The following SMG6 variants were observed in gnomAD, a reference collection of about 807,000 sequenced individuals.
SMG6 encodes the protein SMG6 nonsense mediated mRNA decay factor.
A neutral mutation model predicts 142.2 loss-of-function variants in SMG6; 66 were observed. The ratio of observed to expected loss-of-function variants is 0.46; its 90% CI spans 0.38 to 0.57. SMG6 has a LOEUF of 0.57. SMG6 is among the 20% of genes least tolerant of loss of function. SMG6 has a pLI of 0.00. For missense variants in SMG6, 1,793 were observed against 1,832.0 expected (o/e 0.98, Z 0.39); for synonymous variants, 779 against 702.4 (o/e 1.11, Z -1.72).
At chr17:2,204,537 T>C (rs1335666609) in intron 10 of SMG6, among the ~76,000 whole-genome samples, 1 of 152,132 alleles carries the variant, frequency 6.6e-6, no homozygotes, top group African/African-American at 2.4e-5. Flanking sequence ...GTCAGGAGAA[T>C]AATAAGCTAG....
At chr17:2,273,317 A>C (rs937386426) in intron 8 of SMG6, among the ~76,000 whole-genome samples, 7 of 152,230 alleles carry the variant, frequency 4.6e-5, no homozygotes, top group South Asian at 4.1e-4. Context: ...GGAGTTCACG[A>C]CCTGCCTGGA....
At chr17:2,139,731 A>C (rs1307443769) in intron 13 of SMG6, among the ~76,000 whole-genome samples, 7 of 132,434 alleles carry the variant, frequency 5.3e-5, no homozygotes, top group Non-Finnish European at 9.6e-5. Flanking sequence ...TTTAACAAAC[A>C]AATTTTTTTT....
At position 2,285,628 on chromosome 17, in the gene SMG6, C is replaced by T. The variant is rs148502583; in HGVS notation, c.2338-1893G>A. On this transcript the variant is annotated intron_variant, in intron 6 of 18. Transcript: ENST00000263073. ...CAGAGGGAGGAGGCTCACTTGAAGC[C>T]AGGAGTTCAGGACCAGCCTTGGCAA... Among the ~76,000 whole-genome samples the T allele has an allele frequency of 6.0e-4, 91 of 152,092 alleles. 1 individual carries two copies. Among genetic ancestry groups the T allele is most frequent in the African/African-American group, 1.9e-3 (79 of 41,518 alleles).
chr17:2,290,408 C>A (rs1367006810), intron 6 of SMG6, among the ~76,000 whole-genome samples: 1 of 152,220 alleles, frequency 6.6e-6, no homozygotes, highest in Non-Finnish European at 1.5e-5. Context: ...TGTATATCCA[C>A]CTGCATCAAT....
chr17:2,303,341 C>G (rs1352842542), intron 1 of SMG6: 1 of 1,175,332 alleles, frequency 8.5e-7, no homozygotes, highest in South Asian at 4.0e-5. Flanking sequence ...GAATCCGGGG[C>G]GGGTCTGAGA....
chr17:2,250,507 CCTT>C (rs2074023092), intron 8 of SMG6, among the ~76,000 whole-genome samples: 1 of 151,890 alleles, frequency 6.6e-6, no homozygotes, highest in African/African-American at 2.4e-5. Context: ...CCCGCCTCAG[CCTT>C]CTAAGTAGCT....
chr17:2,135,364 T>C (rs112381544), intron 13 of SMG6, among the ~76,000 whole-genome samples: 16 of 152,306 alleles, frequency 1.1e-4, no homozygotes, highest in African/African-American at 2.9e-4. Flanking sequence ...TTTTGAAATA[T>C]ACATTATTCA....
chr17:2,119,099 C>T (rs1449481779), intron 13 of SMG6, among the ~76,000 whole-genome samples: 2 of 151,142 alleles, frequency 1.3e-5, no homozygotes, highest in Non-Finnish European at 2.9e-5. Flanking sequence ...GCTCTGTCGC[C>T]CAGGCTGGAG....
chr17:2,247,481 G>C (rs1000873504), intron 8 of SMG6, among the ~76,000 whole-genome samples: 1 of 152,090 alleles, frequency 6.6e-6, no homozygotes, highest in Non-Finnish European at 1.5e-5. Flanking sequence ...TTCATAAACT[G>C]GTTATATATA....
chr17:2,077,795 T>C (rs966460620), intron 15 of SMG6, among the ~76,000 whole-genome samples: 2 of 152,066 alleles, frequency 1.3e-5, no homozygotes, highest in African/African-American at 2.4e-5. Flanking sequence ...GCCTCCTGAG[T>C]AGTTGGAACC....
chr17:2,099,710 G>A (rs759012309), intron 13 of SMG6, among the ~76,000 whole-genome samples: 11 of 152,158 alleles, frequency 7.2e-5, no homozygotes, highest in Admixed American at 1.3e-4. Flanking sequence ...TCCATAGCTC[G>A]GGATAACGTG....
At chr17:2,122,091 C>T (rs1214115824) in intron 13 of SMG6, among the ~76,000 whole-genome samples, 1 of 151,804 alleles carries the variant, frequency 6.6e-6, no homozygotes, top group Non-Finnish European at 1.5e-5. Context: ...GCCTTGGCCT[C>T]CCAAAGTGCT....
intron 8 of SMG6, chr17:2,266,045 A>G: frequency 1.0e-6 from 1 of 985,388 alleles, no homozygotes; most frequent in Non-Finnish European, 1.2e-6. Flanking sequence ...CTTTACCAGG[A>G]AGAGCACAGA....
chr17:2,162,102 C>A (rs1597495358), intron 13 of SMG6, among the ~76,000 whole-genome samples: 2 of 152,074 alleles, frequency 1.3e-5, no homozygotes, highest in African/African-American at 4.8e-5. Context: ...TATATTCATA[C>A]AATATTGTGC....
chr17:2,228,474 G>T (rs1418608693), intron 10 of SMG6, among the ~76,000 whole-genome samples: 2 of 151,870 alleles, frequency 1.3e-5, no homozygotes, highest in Admixed American at 1.3e-4. Flanking sequence ...TGATCCACCC[G>T]CCTCAGCCTC....
rs552825611 is a variant in SMG6, at chr17:2,195,137, G to A, written c.2870-6622C>T. On this transcript the variant is annotated intron_variant, in intron 10 of 18. Coordinates refer to ENST00000263073, the MANE Select transcript of SMG6 (RefSeq NM_017575.5). ...CAATTCTTGTACGAGTACAGCTCCA[G>A]GCTGTGGGGTGACAGGCTCCTCTCT... Among the ~76,000 whole-genome samples, 230 of 152,342 alleles carry A rather than the reference G, an allele frequency of 1.5e-3. 1 individual carries two copies. The highest frequency in any genetic ancestry group is 2.5e-3 in the Non-Finnish European group (168 of 68,030).
intron 10 of SMG6, among the ~76,000 whole-genome samples, chr17:2,219,946 G>C (rs1452497564): frequency 6.6e-6 from 1 of 152,236 alleles, no homozygotes; most frequent in Admixed American, 6.5e-5. Flanking sequence ...ATTTGAGACA[G>C]GGTCTGGCTG....
At chr17:2,139,945 C>T (rs889509007) in intron 13 of SMG6, among the ~76,000 whole-genome samples, 2 of 151,954 alleles carry the variant, frequency 1.3e-5, no homozygotes, top group Non-Finnish European at 2.9e-5. Context: ...AGGCTGCTCT[C>T]GAATTCCTGA....
intron 9 of SMG6, among the ~76,000 whole-genome samples, chr17:2,242,226 A>T (rs1396488440): frequency 2.6e-5 from 4 of 152,060 alleles, no homozygotes; most frequent in Non-Finnish European, 5.9e-5. Flanking sequence ...AATAAAAGAT[A>T]AATAGGCCGG....
Sources: allele counts gnomAD v4.1 joint callset (sites outside exome capture counted in the v4.1 genomes callset), GRCh38; gene constraint gnomAD v4.1.1; transcripts MANE v1.5; gene names NCBI Gene and HGNC (gene_info 2026-07-23, HGNC 2026-07-21).